UNC79: variants seen among roughly 807,000 people sequenced by gnomAD.
UNC79 encodes unc-79 subunit of NALCN channel complex.
A neutral mutation model predicts 283.1 loss-of-function variants in UNC79; 37 were observed. The observed-to-expected ratio is 0.13, with a 90% CI of 0.10 to 0.17. UNC79 has a LOEUF of 0.17. Among genes scored for constraint, UNC79 ranks in the 10% least tolerant of loss-of-function variants. The pLI is 1.00. For missense variants in UNC79, 2,272 were observed against 3,211.1 expected (o/e 0.71, Z 7.07); for synonymous variants, 1,107 against 1,200.2 (o/e 0.92, Z 1.61).
chr14:93,487,846 C>A (rs12884458), intron 5 of UNC79, 91 bp downstream of exon 5: 2 of 1,232,654 alleles, frequency 1.6e-6, no homozygotes, highest in Non-Finnish European at 2.3e-6. Context: ...CATGTGAGAA[C>A]GTCATCATCA....
chr14:93,700,069 G>T (rs1039117096), intron 47 of UNC79, among the ~76,000 whole-genome samples: 46 of 104,906 alleles, frequency 4.4e-4, no homozygotes, highest in Non-Finnish European at 4.5e-4. Flanking sequence ...GGATGGTTTC[G>T]GAGGTTTTTT....
At chr14:93,655,199 T>G (rs2070788387) in intron 37 of UNC79, 35 bp from the exon 41 acceptor site, 1 of 1,607,136 alleles carries the variant, frequency 6.2e-7, no homozygotes, top group East Asian at 2.2e-5. Context: ...CCGTGCTGTT[T>G]CAGCAGTTGA....
intron 19 of UNC79, 144 bp from the exon 20 acceptor site, chr14:93,582,059 G>C: frequency 8.7e-7 from 1 of 1,154,206 alleles, no homozygotes; most frequent in Non-Finnish European, 1.2e-6. Flanking sequence ...AGGGTCTTCT[G>C]GGGTGTGGTG....
intron 1 of UNC79, chr14:93,347,297 CCCG>C: frequency 1.2e-6 from 2 of 1,605,302 alleles, no homozygotes; most frequent in Non-Finnish European, 8.5e-7. Context: ...CGCTGTCCTG[CCCG>C]CCGCCACTAC....
In UNC79 at chr14:93,688,747, C is replaced by T; in HGVS notation, c.6992C>T (p.Ala2331Val). The T allele has an allele frequency of 6.2e-7, 1 of 1,613,976 alleles. No homozygotes were observed. The highest frequency in any genetic ancestry group is 8.5e-7 in the Non-Finnish European group (1 of 1,179,998). ...AAAGTGGGGCTGGCCCAGATTGCAG[C>T]CATGGACATCTCACGGGGCAACCAC... The change falls in exon 44 of 49, where the codon GCC becomes GTC. Residue 2331 changes from alanine to valine, a missense_variant. Transcript: ENST00000555664. This position sits in a 1 kb window ranked among gnomAD's most constrained non-coding sequence, Gnocchi z 4.0.
intron 13 of UNC79, among the ~76,000 whole-genome samples, chr14:93,541,430 C>T (rs2141188370): frequency 6.6e-6 from 1 of 152,290 alleles, no homozygotes; most frequent in Non-Finnish European, 1.5e-5. Flanking sequence ...GAGAAGCAGG[C>T]TTTTGTTTTG....
In UNC79 at chr14:93,420,248, G is replaced by A. The variant is rs370211338; in HGVS notation, c.-350-47423G>A. On this transcript the variant is annotated intron_variant, in intron 1 of 49. Coordinates refer to the UNC79 transcript ENST00000256339. ...CACTTTACCTATAAAGACACACATC[G>A]ACTGAAAACAAAGGGATAGAAAACA... 8.1e-5 allele frequency among the ~76,000 whole-genome samples: 12 copies of A among 149,008 alleles called. No homozygotes were observed. The East Asian group carries it at 1.6e-3, about 20-fold the overall frequency.
chr14:93,604,909 C>G (rs1241670299), intron 26 of UNC79: 2 of 1,582,276 alleles, frequency 1.3e-6, no homozygotes, highest in Non-Finnish European at 1.7e-6. Flanking sequence ...TGAGGTTGAC[C>G]AGGCATGAGC....
chr14:93,370,925 G>C (rs1173079889), intron 1 of UNC79, among the ~76,000 whole-genome samples: 1 of 151,886 alleles, frequency 6.6e-6, no homozygotes, highest in Non-Finnish European at 1.5e-5. Context: ...AATACTAGAG[G>C]GAGAAGATAG....
At position 93,521,940 on chromosome 14, in the gene UNC79, T is replaced by C. The variant is rs560424420; in HGVS notation, c.899-2038T>C. ...TCTAACATTGGTTCCAGACATCATA[T>C]TTTTAAAATCTTGACAGTTGATTTT... On this transcript the variant is annotated intron_variant, in intron 7 of 48. Coordinates refer to ENST00000555664, the Ensembl canonical transcript of UNC79. Among the ~76,000 whole-genome samples, 13 of 151,690 alleles carry C rather than the reference T, an allele frequency of 8.6e-5. No homozygotes were observed. In the South Asian group the frequency reaches 2.7e-3, roughly 32 times the overall value.
intron 42 of UNC79, among the ~76,000 whole-genome samples, chr14:93,684,832 G>A (rs7145275): frequency 0.65 from 99,091 of 151,992 alleles, 32,698 homozygotes; most frequent in Middle Eastern, 0.74. Context: ...ATTAGCTATG[G>A]TTTGCTTCAA....
At chr14:93,612,481 A>G (rs1287261489) in intron 26 of UNC79, among the ~76,000 whole-genome samples, 1 of 152,194 alleles carries the variant, frequency 6.6e-6, no homozygotes, top group East Asian at 1.9e-4. Context: ...ATATTAAAAA[A>G]TTTGCTAAAT....
At chr14:93,654,604 T>A (rs1045357966) in intron 37 of UNC79, among the ~76,000 whole-genome samples, 6 of 151,796 alleles carry the variant, frequency 4.0e-5, no homozygotes, top group Non-Finnish European at 5.9e-5. Flanking sequence ...ATTTAAATTT[T>A]AAAAATTAAC....
At chr14:93,542,061 A>G (rs1595807077) in intron 13 of UNC79, among the ~76,000 whole-genome samples, 1 of 151,960 alleles carries the variant, frequency 6.6e-6, no homozygotes, top group Admixed American at 6.5e-5. Flanking sequence ...GGGGGACTCC[A>G]AGGTATCTGA....
At chr14:93,493,901 A>ATATTT (rs1251701550) in intron 5 of UNC79, among the ~76,000 whole-genome samples, 9 of 49,252 alleles carry the variant, frequency 1.8e-4, no homozygotes, top group East Asian at 1.5e-3. Flanking sequence ...ATATATATAT[A>ATATTT]TTTTTTTTTT....
rs375728552 is a variant in UNC79 at position 93,363,865 on chromosome 14, C to A, written c.-351+30342C>A. On this transcript the variant is annotated intron_variant, in intron 1 of 49. Coordinates refer to the UNC79 transcript ENST00000256339. The stretch of plus-strand genomic sequence containing the variant: ...TCCCAAGTAGCTGGGACTACAGGCG[C>A]CTGCCACCACACCCAGCTAATTTTT... Among the ~76,000 whole-genome samples, 8 of 152,150 alleles carry A rather than the reference C, an allele frequency of 5.3e-5. No individual in the cohort carries two copies. The East Asian group carries it at 7.7e-4, about 15-fold the overall frequency.
At chr14:93,354,087 A>G (rs2054033173) in intron 1 of UNC79, among the ~76,000 whole-genome samples, 2 of 152,202 alleles carry the variant, frequency 1.3e-5, no homozygotes, top group African/African-American at 4.8e-5. Context: ...GGGGAAAAAA[A>G]CTAAAATTTT....
At chr14:93,648,906 TTTC>T (rs2069928856) in intron 35 of UNC79, among the ~76,000 whole-genome samples, 1 of 152,182 alleles carries the variant, frequency 6.6e-6, no homozygotes, top group Admixed American at 6.5e-5. Flanking sequence ...TATTTTGGAC[TTTC>T]TTCTAGCAGC....
intron 1 of UNC79, among the ~76,000 whole-genome samples, chr14:93,357,830 GATATGTAT>G (rs2054134095): frequency 1.2e-5 from 1 of 81,442 alleles, no homozygotes; most frequent in African/African-American, 4.0e-5. Flanking sequence ...TGGATATATG[GATATGTAT>G]ATATATGGAT....
Sources: allele counts gnomAD v4.1 joint callset (sites outside exome capture counted in the v4.1 genomes callset), GRCh38; gene constraint gnomAD v4.1.1; non-coding constraint Gnocchi (gnomAD v3.1); transcripts MANE v1.5; gene names NCBI Gene and HGNC (gene_info 2026-07-23, HGNC 2026-07-21).